Variants in TECR observed in about 807,000 individuals in gnomAD.
TECR encodes the protein trans-2,3-enoyl-CoA reductase.
Under a neutral mutation model 50.6 loss-of-function variants are expected in TECR, and 19 were observed. The ratio of observed to expected loss-of-function variants is 0.38; its 90% confidence interval spans 0.26 to 0.55. TECR has a LOEUF of 0.55. TECR is among the 20% of genes least tolerant of loss of function. The pLI, the probability that TECR is intolerant of heterozygous loss-of-function variation, is 0.79. For missense variants in TECR, 313 were observed against 408.3 expected, an observed-to-expected ratio of 0.77 and a Z score of 2.01; for synonymous variants, 168 against 163.5, an observed-to-expected ratio of 1.03 and a Z score of -0.21.
chr19:14,557,911 G>A (rs979431538), intron 1 of TECR, among the ~76,000 whole-genome samples: 4 of 151,544 alleles, frequency 2.6e-5, no homozygotes, highest in East Asian at 1.9e-4. Flanking sequence ...ACCCACCACC[G>A]CACCCGGCTA....
upstream of TECR, among the ~76,000 whole-genome samples, chr19:14,528,489 C>T (rs1047783041): frequency 2.0e-5 from 3 of 151,310 alleles, no homozygotes; most frequent in Non-Finnish European, 2.9e-5. Flanking sequence ...CTGCCCCCCT[C>T]GGCCTCCCAA....
chr19:14,562,661 C>CGCTGTCCCTGGGGAGGACAGAGGG, intron 2 of TECR, 86 bp downstream of exon 2: 1 of 1,447,386 alleles, frequency 6.9e-7, no homozygotes, highest in Non-Finnish European at 9.7e-7. Flanking sequence ...TCCAGTGGGG[C>CGCTGTCCCTGGGGAGGACAGAGGG]CCTTTGTGCC....
At chr19:14,551,171 A>C (rs969355444) in intron 1 of TECR, among the ~76,000 whole-genome samples, 1 of 151,646 alleles carries the variant, frequency 6.6e-6, no homozygotes, top group Non-Finnish European at 1.5e-5. Context: ...TCCCAGGTTC[A>C]TAACGATTCT....
intron 1 of TECR, among the ~76,000 whole-genome samples, chr19:14,553,256 C>T (rs149473424): frequency 0.021 from 3,186 of 152,294 alleles, 48 homozygotes; most frequent in Non-Finnish European, 0.024. Flanking sequence ...ACCGCTGCCT[C>T]TGCACCTGGC....
At chr19:14,542,347 G>GTTTTTTTTTTTTTTTTTTTT (rs71166754) in intron 1 of TECR, among the ~76,000 whole-genome samples, 4 of 43,300 alleles carry the variant, frequency 9.2e-5, no homozygotes, top group South Asian at 9.3e-4. Flanking sequence ...ATGCCATAGT[G>GTTTTTTTTTTTTTTTTTTTT]TTTTTTTTTT....
chr19:14,563,724 G>C lies in TECR; in HGVS notation c.163+22G>C, dbSNP rs751139346. The C allele has an allele frequency of 6.2e-7, 1 of 1,613,042 alleles. No individual in the cohort carries two copies. The highest frequency in any genetic ancestry group is 8.5e-7 in the Non-Finnish European group (1 of 1,179,930). On this transcript the variant is annotated intron_variant, in intron 4 of 12. Transcript: ENST00000215567. The surrounding 1 kb of genome is among the most constrained non-coding windows in gnomAD (Gnocchi z 5.3). ...CCCAGTGAGTACAGCTGTCCACTCGGCCCGCCCCCTGGGCTCCTGGGTGGC... is the reference window on the plus strand; with the variant it reads ...CCCAGTGAGTACAGCTGTCCACTCGCCCCGCCCCCTGGGCTCCTGGGTGGC...
intron 1 of TECR, among the ~76,000 whole-genome samples, chr19:14,536,094 G>A (rs1468329025): frequency 6.6e-6 from 1 of 152,096 alleles, no homozygotes; most frequent in Admixed American, 6.6e-5. Flanking sequence ...CAGAGAACAA[G>A]GCCTTTTCCA....
intron 1 of TECR, among the ~76,000 whole-genome samples, chr19:14,543,424 T>A (rs1221556328): frequency 2.6e-3 from 18 of 7,034 alleles, no homozygotes; most frequent in African/African-American, 2.7e-3. Flanking sequence ...TATATATTTT[T>A]TTTTTTTTTT....
intron 11 of TECR, 37 bp from the exon 12 acceptor site, chr19:14,565,581 G>T: frequency 6.3e-7 from 1 of 1,598,260 alleles, no homozygotes; most frequent in Non-Finnish European, 8.5e-7. Flanking sequence ...CACGGGTTGC[G>T]AGGCTGCCCA....
intron 1 of TECR, among the ~76,000 whole-genome samples, chr19:14,539,743 T>TA (rs1194881659): frequency 6.6e-6 from 1 of 152,122 alleles, no homozygotes; most frequent in East Asian, 1.9e-4. Flanking sequence ...CCCTTCGTGT[T>TA]ACCGAGCGCT....
Position 14,565,838 on chromosome 19 carries a change from C to T in TECR, c.894C>T (p.Pro298=), listed in dbSNP as rs2074066039. The change falls in exon 13 of 13, where the codon CCC becomes CCT. Residue 298 remains proline, a synonymous_variant. Transcript: ENST00000215567. ...SYLKEFRDYP[P]LRMPIIPFLL is the part of the protein sequence containing the mutation. ...TGAAGGAGTTCCGGGACTACCCGCC[C>T]CTGCGCATGCCCATCATCCCCTTCC... 3.1e-6 allele frequency: 5 copies of T among 1,597,292 alleles called. No homozygotes were observed. Among genetic ancestry groups the T allele is most frequent in the Non-Finnish European group, 3.4e-6 (4 of 1,173,524 alleles).
At position 14,563,648 on chromosome 19, in the gene TECR, C is replaced by G. The variant is rs936476818; in HGVS notation, c.119-10C>G. The G allele has an allele frequency of 6.2e-7, 1 of 1,611,300 alleles. No homozygotes were observed. Among genetic ancestry groups the G allele is most frequent in the Non-Finnish European group, 8.5e-7 (1 of 1,179,862 alleles). On this transcript the variant is annotated splice_polypyrimidine_tract_variant and intron_variant, in intron 3 of 12. Transcript: ENST00000215567. The surrounding 1 kb of genome is among the most constrained non-coding windows in gnomAD (Gnocchi z 5.3). ...GGCTGTGGGCTGTAACTGCCCTGTT[C>G]TCCCCGCAGATCCGCAGTGGTACCC...
chr19:14,543,448 T>A (rs1458256338), intron 1 of TECR, among the ~76,000 whole-genome samples: 20 of 49,254 alleles, frequency 4.1e-4, no homozygotes, highest in Non-Finnish European at 6.4e-4. Flanking sequence ...TTTTTTTTTT[T>A]TTTTTTTTGA....
Position 14,564,253 on chromosome 19 carries a change from C to T in TECR, c.455C>T (p.Ser152Phe), listed in dbSNP as rs1218087242. 1 of 1,607,254 alleles carries T rather than the reference C, an allele frequency of 6.2e-7. No homozygotes were observed. The highest frequency in any genetic ancestry group is 8.5e-7 in the Non-Finnish European group (1 of 1,179,816). Residue 152 changes from serine to phenylalanine, a missense_variant, in exon 7 of 13, where the codon TCC becomes TTC. Coordinates refer to ENST00000215567, the MANE Select transcript of TECR (RefSeq NM_138501.6). ...LLETLFVHRF[S>F]HGTMPLRNIF... ...GAGACGCTCTTCGTGCACCGCTTCT[C>T]CCATGGCACTATGCCTTTGCGCAAC...
intron 1 of TECR, among the ~76,000 whole-genome samples, chr19:14,556,269 C>T (rs549979117): frequency 6.6e-6 from 1 of 152,282 alleles, no homozygotes; most frequent in South Asian, 2.1e-4. Context: ...GGTTCCCCCA[C>T]TGTCTACTGG....
At chr19:14,539,884 T>C (rs901544993) in intron 1 of TECR, among the ~76,000 whole-genome samples, 9 of 64,846 alleles carry the variant, frequency 1.4e-4, no homozygotes, top group Non-Finnish European at 3.0e-4. Context: ...TTCTTTCTTT[T>C]TTTTTTTTTT....
At chr19:14,556,178 A>ATG (rs2073714490) in intron 1 of TECR, among the ~76,000 whole-genome samples, 2 of 151,634 alleles carry the variant, frequency 1.3e-5, no homozygotes, top group African/African-American at 4.8e-5. Context: ...GCCACACAGG[A>ATG]CTCCTTCCTG....
At chr19:14,551,968 T>TCC (rs1018796465) in intron 1 of TECR, among the ~76,000 whole-genome samples, 5 of 121,784 alleles carry the variant, frequency 4.1e-5, no homozygotes, top group African/African-American at 1.5e-4. Context: ...TCTCTCTCTC[T>TCC]CTCTTTCTCT....
chr19:14,535,898 G>T (rs1010301219), intron 1 of TECR, among the ~76,000 whole-genome samples: 8 of 151,906 alleles, frequency 5.3e-5, no homozygotes, highest in African/African-American at 1.5e-4. Flanking sequence ...TTTCCTGCAG[G>T]CTTCTTGCTT....
Sources: allele counts gnomAD v4.1 joint callset (sites outside exome capture counted in the v4.1 genomes callset), GRCh38; gene constraint gnomAD v4.1.1; non-coding constraint Gnocchi (gnomAD v3.1); transcripts MANE v1.5; gene names NCBI Gene and HGNC (gene_info 2026-07-23, HGNC 2026-07-21).